Variants in TPST2 observed in about 807,000 individuals in gnomAD.
The protein encoded by TPST2 is tyrosylprotein sulfotransferase 2.
Under a neutral mutation model 27.8 loss-of-function variants are expected in TPST2, and 16 were observed. The ratio of observed to expected loss-of-function variants is 0.58; its 90% CI spans 0.39 to 0.88. TPST2 has a LOEUF of 0.88. TPST2 is among the 40% of genes least tolerant of loss of function. The probability of loss-of-function intolerance (pLI) is 0.00; values close to 1 mark genes in which losing one functional copy is unlikely to be tolerated. For synonymous variants in TPST2, 229 were observed against 231.7 expected, an observed-to-expected ratio of 0.99 and a Z score of 0.10; for missense variants, 464 against 543.1, an observed-to-expected ratio of 0.85 and a Z score of 1.45.
intron 1 of TPST2, among the ~76,000 whole-genome samples, chr22:26,551,373 T>C (rs1030133985): frequency 6.6e-6 from 1 of 152,170 alleles, no homozygotes. Context: ...GGGTTTTACA[T>C]ATATCATTGC....
chr22:26,559,539 G>C (rs536999271), intron 1 of TPST2, among the ~76,000 whole-genome samples: 1 of 152,086 alleles, frequency 6.6e-6, no homozygotes, highest in Admixed American at 6.6e-5. Flanking sequence ...GTACCCTTAC[G>C]TATCAAACTG....
At position 26,581,011 on chromosome 22, in the gene TPST2, AACAT is replaced by A. The variant is rs1251181490; in HGVS notation, c.-161+9038_-161+9041del. Among the ~76,000 whole-genome samples the A allele has an allele frequency of 3.0e-3, 359 of 119,104 alleles. 1 individual carries two copies. The highest frequency in any genetic ancestry group is 0.012 in the East Asian group (46 of 3,886). The allele number at this position is 119,104 out of a possible 152,430, so 78.1% of individuals were successfully genotyped here. A position where few individuals can be genotyped will look rare whatever the true frequency, so the allele number is the denominator to read the frequency against. On this transcript the variant is annotated intron_variant, in intron 1 of 6. Coordinates refer to ENST00000338754, the MANE Select transcript of TPST2 (RefSeq NM_003595.5). The stretch of plus-strand genomic sequence containing the variant: ...AACACCACCGATTCCCCCAACCCTC[AACAT>A]ACATACACACACACACACACACACA...
chr22:26,541,052 G>A lies in TPST2; in HGVS notation c.579C>T (p.Ile193=), dbSNP rs1296666059. 1.2e-6 allele frequency: 2 copies of A among 1,613,628 alleles called. No individual in the cohort carries two copies. Among genetic ancestry groups the A allele is most frequent in the Non-Finnish European group, 1.7e-6 (2 of 1,179,748 alleles). Residue 193 remains isoleucine, a synonymous_variant, in exon 3 of 7, where the codon ATC becomes ATT. Coordinates refer to ENST00000338754, the MANE Select transcript of TPST2 (RefSeq NM_003595.5). The surrounding 1 kb of genome is among the most constrained non-coding windows in gnomAD (Gnocchi z 5.9). ...AGCCCGCAATGGTGACTTTGCGCGT[G>A]ATCATGGAGTGCACGGAGGCCCGGC... ...RDGRASVHSM[I]TRKVTIAGFD...
At chr22:26,580,247 G>T (rs1928046021) in intron 1 of TPST2, among the ~76,000 whole-genome samples, 1 of 152,196 alleles carries the variant, frequency 6.6e-6, no homozygotes, top group East Asian at 1.9e-4. Context: ...AAGAAAGAAA[G>T]AAAAGAAGAA....
intron 5 of TPST2, among the ~76,000 whole-genome samples, chr22:26,529,028 C>T (rs1490605443): frequency 1.3e-5 from 2 of 151,634 alleles, no homozygotes; most frequent in East Asian, 3.9e-4. Context: ...GTATCTTTTG[C>T]ATGCTAATGA....
At chr22:26,566,934 G>T (rs866349597) in intron 1 of TPST2, among the ~76,000 whole-genome samples, 2 of 152,194 alleles carry the variant, frequency 1.3e-5, no homozygotes, top group Non-Finnish European at 1.5e-5. Flanking sequence ...AGTATGGGGT[G>T]GGGCTGTCCC....
At chr22:26,580,987 A>G (rs1343832541) in intron 1 of TPST2, among the ~76,000 whole-genome samples, 6 of 150,620 alleles carry the variant, frequency 4.0e-5, no homozygotes, top group Non-Finnish European at 8.8e-5. Context: ...TTTTATTATA[A>G]CACCACCGAT....
chr22:26,541,502 C>T lies in TPST2; in HGVS notation c.129G>A (p.Gly43=), dbSNP rs774664453. The change falls in exon 3 of 7, where the codon GGG becomes GGA. Residue 43 remains glycine, a synonymous_variant. Transcript: ENST00000338754. This position sits in a 1 kb window ranked among gnomAD's most constrained non-coding sequence, Gnocchi z 5.9. The part of the protein sequence containing the change: ...AVLAGLRSPR[G]AMRPEQEELV... ...GCTCCTCCTGCTCAGGCCGCATGGC[C>T]CCCCGGGGGCTCCGCAGGCCCGCCA... 3 of 1,612,026 alleles carry T rather than the reference C, an allele frequency of 1.9e-6. No homozygotes were observed. Among genetic ancestry groups the T allele is most frequent in the South Asian group, 2.2e-5 (2 of 90,906 alleles).
At chr22:26,585,136 TG>T (rs1928291359) in intron 1 of TPST2, among the ~76,000 whole-genome samples, 1 of 152,182 alleles carries the variant, frequency 6.6e-6, no homozygotes, top group Admixed American at 6.5e-5. Flanking sequence ...GTGGAGCACC[TG>T]GATTCTAATA....
At position 26,541,776 on chromosome 22, in the gene TPST2, A is replaced by G; in HGVS notation, c.-88-58T>C. 2.9e-6 allele frequency: 4 copies of G among 1,401,584 alleles called. No individual in the cohort carries two copies. The highest frequency in any genetic ancestry group is 1.5e-5 in the African/African-American group (1 of 68,340). 86.8% of individuals were successfully genotyped at this position (1,401,584 alleles called of 1,614,324 possible). A position where few individuals can be genotyped will look rare whatever the true frequency, so the allele number is the denominator to read the frequency against. On this transcript the variant is annotated intron_variant, in intron 2 of 6. Coordinates refer to ENST00000338754, the MANE Select transcript of TPST2 (RefSeq NM_003595.5). This position sits in a 1 kb window ranked among gnomAD's most constrained non-coding sequence, Gnocchi z 5.9. Reference sequence around the variant, plus strand: ...AGGTCTGTGAGCTGTGAGCTCTCCAATAACTGCAAAGCCCTATAACTGCAA... The same window carrying G: ...AGGTCTGTGAGCTGTGAGCTCTCCAGTAACTGCAAAGCCCTATAACTGCAA...
At position 26,544,555 on chromosome 22, in the gene TPST2, C is replaced by T. The variant is rs986421462; in HGVS notation, c.-89+49G>A. ...ATGGAGGGGACTTTTGGAGGGCGGT[C>T]TCAGGAGGGGCCAGGACTCCAGGGG... On this transcript the variant is annotated intron_variant, in intron 2 of 6. Coordinates refer to ENST00000338754, the MANE Select transcript of TPST2 (RefSeq NM_003595.5). 2.5e-5 allele frequency: 24 copies of T among 975,046 alleles called. No homozygotes were observed. In the African/African-American group the frequency reaches 3.9e-4, roughly 16 times the overall value. The allele number at this position is 975,046 out of a possible 1,614,324, so 60.4% of individuals were successfully genotyped here.
intron 1 of TPST2, chr22:26,560,891 T>C (rs1927052939): frequency 1.2e-6 from 2 of 1,600,210 alleles, no homozygotes; most frequent in African/African-American, 1.3e-5. Context: ...GCCTGTCCAT[T>C]GGTGATGTTG....
intron 1 of TPST2, among the ~76,000 whole-genome samples, chr22:26,558,483 G>C (rs1055711146): frequency 6.6e-6 from 1 of 152,222 alleles, no homozygotes; most frequent in African/African-American, 2.4e-5. Flanking sequence ...AGGGAGATGG[G>C]AGAGAAGGGA....
In TPST2 at chr22:26,541,647, G is replaced by C; in HGVS notation, c.-17C>G. 6.5e-7 allele frequency: 1 copy of C among 1,545,276 alleles called. No individual in the cohort carries two copies. On this transcript the variant is annotated 5_prime_UTR_variant, in exon 3 of 7. Coordinates refer to ENST00000338754, the MANE Select transcript of TPST2 (RefSeq NM_003595.5). This position sits in a 1 kb window ranked among gnomAD's most constrained non-coding sequence, Gnocchi z 5.9. Reference sequence around the variant, plus strand: ...CAGGCGCATGCTGGGCCGGAGGCAGGGTAGGCCTGGCCTGAGGGCCCGCTT... The same window carrying C: ...CAGGCGCATGCTGGGCCGGAGGCAGCGTAGGCCTGGCCTGAGGGCCCGCTT...
At chr22:26,564,227 G>A (rs1053880546) in intron 1 of TPST2, among the ~76,000 whole-genome samples, 4 of 152,294 alleles carry the variant, frequency 2.6e-5, no homozygotes, top group African/African-American at 4.8e-5. Flanking sequence ...AGGTGTCTTC[G>A]TACCAGCCTC....
At chr22:26,529,216 T>C (rs1351153421) in intron 5 of TPST2, among the ~76,000 whole-genome samples, 1 of 152,044 alleles carries the variant, frequency 6.6e-6, no homozygotes, top group Non-Finnish European at 1.5e-5. Flanking sequence ...AACCTCCGCG[T>C]CCTGAGCTCA....
rs574872978 is a variant in TPST2 at position 26,523,402 on chromosome 22, C to T, written c.*2873G>A. 1.3e-5 allele frequency: 2 copies of T among 152,226 alleles called. No homozygotes were observed. The highest frequency in any genetic ancestry group is 4.8e-5 in the African/African-American group (2 of 41,526). The allele number at this position is 152,226 out of a possible 1,614,324, so 9.4% of individuals were successfully genotyped here. ...ACAAATAGAGCCACTTGCCTTCTTA[C>T]TATCAATTCTGATTGTCCCATGTTT... is the stretch of plus-strand genomic sequence containing the variant. On this transcript the variant is annotated 3_prime_UTR_variant, in exon 7 of 7. Coordinates refer to ENST00000338754, the MANE Select transcript of TPST2 (RefSeq NM_003595.5).
chr22:26,588,499 C>T (rs1438442543), intron 1 of TPST2, among the ~76,000 whole-genome samples: 2 of 152,068 alleles, frequency 1.3e-5, no homozygotes, highest in Admixed American at 6.6e-5. Flanking sequence ...CTAAAAATTA[C>T]GGAAACATAT....
intron 1 of TPST2, among the ~76,000 whole-genome samples, chr22:26,570,851 C>G (rs5752350): frequency 0.062 from 9,510 of 152,258 alleles, 408 homozygotes; most frequent in Non-Finnish European, 0.095. Context: ...TCCAATCCAG[C>G]AGCAACTCCT....
Sources: gnomAD v4.1 joint callset for allele counts (sites outside exome capture counted in the v4.1 genomes callset) on GRCh38, gnomAD v4.1.1 for gene constraint, Gnocchi (gnomAD v3.1) non-coding constraint, MANE v1.5 for transcripts, NCBI Gene and HGNC (gene_info 2026-07-23, HGNC 2026-07-21) for gene names.